PRPF6: variants seen among roughly 807,000 people sequenced by gnomAD.
The protein encoded by PRPF6 is pre-mRNA processing factor 6, also known as pre-mRNA-processing factor 6.
PRPF6 carries 42 observed loss-of-function variants against 118.3 expected under a neutral mutation model. The observed-to-expected ratio is 0.35, with a 90% confidence interval of 0.28 to 0.46. The LOEUF (loss-of-function observed/expected upper bound fraction) is 0.46, where lower values mean the gene tolerates loss of function less well. Among genes scored for constraint, PRPF6 ranks in the 20% least tolerant of loss-of-function variants. The pLI, the probability that PRPF6 is intolerant of heterozygous loss-of-function variation, is 1.00. For missense variants in PRPF6, 662 were observed against 1,255.7 expected, an observed-to-expected ratio of 0.53 and a Z score of 7.15; for synonymous variants, 481 against 485.1, an observed-to-expected ratio of 0.99 and a Z score of 0.11.
chr20:63,991,742 A>G (rs1213039700), intron 3 of PRPF6, among the ~76,000 whole-genome samples: 1 of 152,078 alleles, frequency 6.6e-6, no homozygotes, highest in African/African-American at 2.4e-5. Context: ...GTGAGCTGAG[A>G]TCGCACCACT....
intron 6 of PRPF6, 132 bp downstream of exon 6, chr20:63,995,614 C>G (rs1239080496): frequency 9.3e-7 from 1 of 1,080,900 alleles, no homozygotes; most frequent in Non-Finnish European, 1.3e-6. Context: ...TTCTCCTTCT[C>G]CTTTTTTTTT....
chr20:64,006,528 G>C (rs2059190389), intron 9 of PRPF6, among the ~76,000 whole-genome samples: 1 of 151,934 alleles, frequency 6.6e-6, no homozygotes, highest in Non-Finnish European at 1.5e-5. Context: ...CACTGTGTTG[G>C]CCAGGCTGGT....
At chr20:64,025,245 C>A (rs2059283705) in intron 14 of PRPF6, among the ~76,000 whole-genome samples, 1 of 152,180 alleles carries the variant, frequency 6.6e-6, no homozygotes, top group Non-Finnish European at 1.5e-5. Flanking sequence ...CTCTCAGCTG[C>A]CTGTTTGAGA....
chr20:63,982,644 G>A (rs534770767), intron 1 of PRPF6, among the ~76,000 whole-genome samples: 3 of 152,312 alleles, frequency 2.0e-5, no homozygotes, highest in East Asian at 3.9e-4. Flanking sequence ...GGACAGACAG[G>A]ATGGGGAAAG....
At chr20:63,987,729 T>C (rs541313853) in intron 3 of PRPF6, among the ~76,000 whole-genome samples, 118 of 152,258 alleles carry the variant, frequency 7.7e-4, no homozygotes, top group Middle Eastern at 3.4e-3. Context: ...CAAAACACTA[T>C]TGGAACTGAC....
intron 6 of PRPF6, among the ~76,000 whole-genome samples, chr20:63,997,672 G>T (rs1235018158): frequency 6.6e-6 from 1 of 152,014 alleles, no homozygotes; most frequent in Non-Finnish European, 1.5e-5. Context: ...GGCCAGGATG[G>T]TCTTGATCTC....
chr20:64,021,648 T>C (rs1206534219), intron 12 of PRPF6, among the ~76,000 whole-genome samples: 6 of 146,888 alleles, frequency 4.1e-5, no homozygotes, highest in Non-Finnish European at 8.9e-5. Flanking sequence ...CGTGCACATA[T>C]GCATATGCCT....
chr20:63,982,184 A>AT (rs1313350643), intron 1 of PRPF6, among the ~76,000 whole-genome samples: 1 of 151,830 alleles, frequency 6.6e-6, no homozygotes, highest in Non-Finnish European at 1.5e-5. Context: ...TATTATTATT[A>AT]TTTTTTGAGA....
intron 14 of PRPF6, among the ~76,000 whole-genome samples, chr20:64,025,589 C>G (rs1461558744): frequency 2.0e-5 from 3 of 152,242 alleles, no homozygotes; most frequent in African/African-American, 7.2e-5. Flanking sequence ...TGTGATGAGT[C>G]TACCAGTATA....
intron 3 of PRPF6, among the ~76,000 whole-genome samples, chr20:63,987,189 AGGG>A (rs1555916397): frequency 6.8e-5 from 8 of 117,178 alleles, no homozygotes; most frequent in South Asian, 3.0e-4. Context: ...AAAAAAAAAA[AGGG>A]GGGGGGAGCA....
chr20:63,989,898 A>G (rs1478598836), intron 3 of PRPF6, among the ~76,000 whole-genome samples: 1 of 151,920 alleles, frequency 6.6e-6, no homozygotes, highest in African/African-American at 2.4e-5. Context: ...GAATAGTAAA[A>G]TATAGTTCTT....
chr20:64,001,447 C>T (rs2059166160), intron 9 of PRPF6, among the ~76,000 whole-genome samples: 3 of 152,170 alleles, frequency 2.0e-5, no homozygotes, highest in Admixed American at 2.0e-4. Context: ...GGAAGGGATG[C>T]TTGGGTTGAG....
Position 64,031,911 on chromosome 20 carries a change from G to C in PRPF6, c.2547-7G>C, listed in dbSNP as rs774982760. 6.2e-7 allele frequency: 1 copy of C among 1,614,064 alleles called. No individual in the cohort carries two copies. The highest frequency in any genetic ancestry group is 8.5e-7 in the Non-Finnish European group (1 of 1,180,008). ...CACTCTGGGTTCACGTCCTTCTGCT[G>C]GAACAGGCTGTTTTGGAGTCAGCGG... On this transcript the variant is annotated splice_polypyrimidine_tract_variant and splice_region_variant and intron_variant, in intron 19 of 20. Coordinates refer to ENST00000266079, the MANE Select transcript of PRPF6 (RefSeq NM_012469.4).
intron 9 of PRPF6, among the ~76,000 whole-genome samples, chr20:64,009,800 T>C (rs2059207660): frequency 6.6e-6 from 1 of 152,226 alleles, no homozygotes; most frequent in African/African-American, 2.4e-5. Flanking sequence ...TCCCCATTCG[T>C]TGGCAGTCAT....
At chr20:64,015,922 T>A (rs1450067725) in intron 11 of PRPF6, among the ~76,000 whole-genome samples, 1 of 151,852 alleles carries the variant, frequency 6.6e-6, no homozygotes, top group Admixed American at 6.6e-5. Context: ...AGACCAGGAG[T>A]TTAACACCAG....
chr20:64,027,467 G>A lies in PRPF6; in HGVS notation c.2206-136G>A, dbSNP rs1257235858. 2 of 1,276,624 alleles carry A rather than the reference G, an allele frequency of 1.6e-6. No individual in the cohort carries two copies. The highest frequency in any genetic ancestry group is 1.5e-5 in the African/African-American group (1 of 68,302). 79.1% of individuals were successfully genotyped at this position (1,276,624 alleles called of 1,614,324 possible). On this transcript the variant is annotated intron_variant, in intron 16 of 20. Transcript: ENST00000266079. The surrounding 1 kb of genome is among the most constrained non-coding windows in gnomAD (Gnocchi z 6.5). ...ACACCTGTACACCCACAAATGCAGA[G>A]TGTGAGGGGTGTTTTTCCATGGACA...
At chr20:64,025,860 G>C in intron 14 of PRPF6, 79 bp from the exon 15 acceptor site, 1 of 1,610,962 alleles carries the variant, frequency 6.2e-7, no homozygotes, top group South Asian at 1.1e-5. Flanking sequence ...GTTCCTGCCT[G>C]CCTGCTTTTG....
At chr20:63,997,946 T>C (rs2059148522) in intron 6 of PRPF6, among the ~76,000 whole-genome samples, 1 of 152,120 alleles carries the variant, frequency 6.6e-6, no homozygotes. Context: ...CGCTCATCTA[T>C]GTAGACCGCA....
chr20:64,021,942 T>C (rs992802769), intron 12 of PRPF6, among the ~76,000 whole-genome samples: 7 of 151,416 alleles, frequency 4.6e-5, no homozygotes, highest in East Asian at 2.0e-4. Context: ...GCCGTGTGTG[T>C]GCGTGTGTGT....
Sources: gnomAD v4.1 joint callset for allele counts (sites outside exome capture counted in the v4.1 genomes callset) on GRCh38, gnomAD v4.1.1 for gene constraint, Gnocchi (gnomAD v3.1) non-coding constraint, MANE v1.5 for transcripts, NCBI Gene and HGNC (gene_info 2026-07-23, HGNC 2026-07-21) for gene names.